The following SAMD4A variants were observed in gnomAD, a reference collection of about 807,000 sequenced individuals.
SAMD4A encodes the protein sterile alpha motif domain containing 4A.
In SAMD4A, 33 loss-of-function variants were observed where a neutral mutation model predicts 81.3. The observed-to-expected ratio is 0.41, with a 90% CI of 0.31 to 0.54. SAMD4A has a LOEUF of 0.54. SAMD4A is among the 20% of genes least tolerant of loss of function. The pLI is 0.37. For missense variants in SAMD4A, 854 were observed against 951.1 expected, an observed-to-expected ratio of 0.90 and a Z score of 1.34; for synonymous variants, 389 against 382.1, an observed-to-expected ratio of 1.02 and a Z score of -0.21.
intron 2 of SAMD4A, among the ~76,000 whole-genome samples, chr14:54,644,927 A>G (rs952005676): frequency 2.6e-5 from 4 of 152,188 alleles, no homozygotes; most frequent in African/African-American, 9.6e-5. Context: ...AACTTCTACC[A>G]CTACCAGATG....
Position 54,568,965 on chromosome 14 carries a change from T to C in SAMD4A, c.196+853T>C, listed in dbSNP as rs927348277. 3.3e-5 allele frequency among the ~76,000 whole-genome samples: 5 copies of C among 151,816 alleles called. No individual in the cohort carries two copies. In the South Asian group the frequency reaches 8.3e-4, roughly 25 times the overall value. On this transcript the variant is annotated intron_variant, in intron 2 of 12. Transcript: ENST00000554335. Reference sequence around the variant, plus strand: ...AGTCGAAAGGTCCAGCAGTTTCCTATTTGCTAGCGTGGGTGGTGACAGACT... The same window carrying C: ...AGTCGAAAGGTCCAGCAGTTTCCTACTTGCTAGCGTGGGTGGTGACAGACT...
chr14:54,666,181 C>G (rs908205296), intron 2 of SAMD4A, among the ~76,000 whole-genome samples: 2 of 152,098 alleles, frequency 1.3e-5, no homozygotes, highest in African/African-American at 4.8e-5. Flanking sequence ...TGTTCTGGGC[C>G]ACTGAGGTGA....
rs547301078 is a variant in SAMD4A at position 54,780,100 on chromosome 14, G to A, written c.2044+3560G>A. On this transcript the variant is annotated intron_variant, in intron 11 of 12. Coordinates refer to ENST00000554335, the MANE Select transcript of SAMD4A (RefSeq NM_015589.6). ...AGATCATGGAGGTTCTTTACCCCCT[G>A]GAGGGCCTAACAGAAAAGGGCAGGG... Among the ~76,000 whole-genome samples the A allele has an allele frequency of 7.2e-5, 11 of 152,264 alleles. No homozygotes were observed. The South Asian group carries it at 1.2e-3, about 17-fold the overall frequency.
At chr14:54,669,019 A>T (rs949802141) in intron 2 of SAMD4A, among the ~76,000 whole-genome samples, 1 of 152,252 alleles carries the variant, frequency 6.6e-6, no homozygotes, top group Non-Finnish European at 1.5e-5. Context: ...AGCAGAGGAC[A>T]TTTAGGTTAG....
In SAMD4A at chr14:54,792,593, C is replaced by T. The variant is rs1386403907; in HGVS notation, c.*3649C>T. ...CCCTGGAGATGTCTGTAGCAGTCAG[C>T]TCCAGCTTGGGCCTGGGGAAGCAGC... On this transcript the variant is annotated 3_prime_UTR_variant, in exon 13 of 13. Coordinates refer to ENST00000554335, the MANE Select transcript of SAMD4A (RefSeq NM_015589.6). 2.0e-5 allele frequency: 3 copies of T among 152,202 alleles called. No homozygotes were observed. Among genetic ancestry groups the T allele is most frequent in the Non-Finnish European group, 4.4e-5 (3 of 68,054 alleles). The allele number at this position is 152,202 out of a possible 1,614,324, so 9.4% of individuals were successfully genotyped here. A position where few individuals can be genotyped will look rare whatever the true frequency, so the allele number is the denominator to read the frequency against.
chr14:54,608,513 C>T (rs529248569), intron 2 of SAMD4A, among the ~76,000 whole-genome samples: 6 of 152,334 alleles, frequency 3.9e-5, no homozygotes, highest in South Asian at 4.1e-4. Flanking sequence ...GCCTCTGTAT[C>T]GCCCCGGGAA....
intron 2 of SAMD4A, among the ~76,000 whole-genome samples, chr14:54,595,728 A>G (rs547920644): frequency 6.6e-6 from 1 of 152,208 alleles, no homozygotes; most frequent in African/African-American, 2.4e-5. Flanking sequence ...GACAGTTCTC[A>G]TTCAAAAATT....
At chr14:54,595,320 T>G (rs551752172) in intron 2 of SAMD4A, among the ~76,000 whole-genome samples, 1 of 151,982 alleles carries the variant, frequency 6.6e-6, no homozygotes, top group African/African-American at 2.4e-5. Flanking sequence ...CACATACATG[T>G]TGAATTCCTT....
intron 2 of SAMD4A, among the ~76,000 whole-genome samples, chr14:54,701,700 A>G (rs1383946945): frequency 2.0e-5 from 3 of 152,216 alleles, no homozygotes; most frequent in African/African-American, 7.2e-5. Flanking sequence ...TCACTTTTCT[A>G]TGGAGAGCTT....
At chr14:54,589,166 G>A (rs1054601314) in intron 2 of SAMD4A, among the ~76,000 whole-genome samples, 2 of 152,146 alleles carry the variant, frequency 1.3e-5, no homozygotes, top group Admixed American at 6.5e-5. Flanking sequence ...ACACATTAGA[G>A]GTGGGACAAG....
chr14:54,644,823 A>C (rs1215852405), intron 2 of SAMD4A, among the ~76,000 whole-genome samples: 1 of 152,176 alleles, frequency 6.6e-6, no homozygotes, highest in Non-Finnish European at 1.5e-5. Flanking sequence ...CAAAGGACTG[A>C]GGGCAAGTCT....
chr14:54,731,396 A>T (rs1428431771), intron 3 of SAMD4A, among the ~76,000 whole-genome samples: 2 of 152,194 alleles, frequency 1.3e-5, no homozygotes, highest in Non-Finnish European at 2.9e-5. Context: ...CATAGAAGTA[A>T]AATTCTGCCC....
At chr14:54,714,338 G>A (rs896639357) in intron 3 of SAMD4A, among the ~76,000 whole-genome samples, 6 of 152,292 alleles carry the variant, frequency 3.9e-5, no homozygotes, top group Middle Eastern at 3.4e-3. Flanking sequence ...GAATTCAACA[G>A]TAGATTTTTA....
intron 2 of SAMD4A, among the ~76,000 whole-genome samples, chr14:54,575,152 G>T (rs1186717004): frequency 6.6e-6 from 1 of 152,132 alleles, no homozygotes; most frequent in East Asian, 1.9e-4. Flanking sequence ...AAACCTAAGT[G>T]TCCTAGGAGA....
chr14:54,691,617 C>T (rs2036444410), intron 2 of SAMD4A, among the ~76,000 whole-genome samples: 1 of 150,238 alleles, frequency 6.7e-6, no homozygotes, highest in African/African-American at 2.5e-5. Context: ...GACCTACTAA[C>T]CTGAAAATGA....
At chr14:54,572,350 G>A (rs1028716760) in intron 2 of SAMD4A, among the ~76,000 whole-genome samples, 2 of 152,116 alleles carry the variant, frequency 1.3e-5, no homozygotes, top group African/African-American at 4.8e-5. Context: ...ATAGGAGTTG[G>A]TTCAATATTT....
intron 4 of SAMD4A, among the ~76,000 whole-genome samples, chr14:54,743,745 G>A (rs1426376177): frequency 5.9e-5 from 9 of 152,134 alleles, no homozygotes; most frequent in Non-Finnish European, 1.3e-4. Flanking sequence ...CTCCCCAGAG[G>A]CCTCCATGGA....
At chr14:54,690,778 A>C (rs1488252212) in intron 2 of SAMD4A, among the ~76,000 whole-genome samples, 2 of 152,134 alleles carry the variant, frequency 1.3e-5, no homozygotes, top group Non-Finnish European at 2.9e-5. Context: ...AGATTCAAAC[A>C]ACACAGTAGG....
intron 3 of SAMD4A, among the ~76,000 whole-genome samples, chr14:54,727,151 A>G (rs1298529181): frequency 7.3e-6 from 1 of 136,418 alleles, no homozygotes; most frequent in African/African-American, 2.6e-5. Flanking sequence ...TTATCACAAC[A>G]GCCTTCTTTT....
Sources: gnomAD v4.1 joint callset for allele counts (sites outside exome capture counted in the v4.1 genomes callset) on GRCh38, gnomAD v4.1.1 for gene constraint, MANE v1.5 for transcripts, NCBI Gene and HGNC (gene_info 2026-07-23, HGNC 2026-07-21) for gene names.